MPHOSPH10: variants seen among roughly 807,000 people sequenced by gnomAD.
The protein encoded by MPHOSPH10 is U3 small nucleolar ribonucleoprotein MPP10.
A neutral mutation model predicts 77.3 loss-of-function variants in MPHOSPH10; 33 were observed. The observed-to-expected ratio is 0.43, with a 90% CI of 0.32 to 0.57. The LOEUF (loss-of-function observed/expected upper bound fraction) is 0.57, where lower values mean the gene tolerates loss of function less well. Among genes scored for constraint, MPHOSPH10 ranks in the 20% least tolerant of loss-of-function variants. The pLI is 0.07. For synonymous variants in MPHOSPH10, 245 were observed against 268.0 expected (o/e 0.91, Z 0.84); for missense variants, 708 against 780.1 (o/e 0.91, Z 1.10).
At chr2:71,143,642 C>G (rs1673654001) in intron 7 of MPHOSPH10, among the ~76,000 whole-genome samples, 1 of 152,158 alleles carries the variant, frequency 6.6e-6, no homozygotes. Context: ...CCAGCCCCAA[C>G]AAACCCCAGT....
chr2:71,131,545 T>G (rs1009386056), intron 1 of MPHOSPH10, among the ~76,000 whole-genome samples: 3 of 152,216 alleles, frequency 2.0e-5, no homozygotes, highest in Non-Finnish European at 4.4e-5. Flanking sequence ...ACAGGCTTTG[T>G]GTGAGCCACA....
intron 8 of MPHOSPH10, among the ~76,000 whole-genome samples, chr2:71,146,454 G>A (rs1673710481): frequency 6.6e-6 from 1 of 150,408 alleles, no homozygotes; most frequent in Admixed American, 6.7e-5. Flanking sequence ...TCCTGCCTCG[G>A]CCTCCCGAGT....
intron 10 of MPHOSPH10, 67 bp from the exon 11 acceptor site, chr2:71,149,799 C>G (rs771149240): frequency 3.0e-6 from 4 of 1,324,492 alleles, no homozygotes; most frequent in Non-Finnish European, 4.1e-6. Context: ...TGGTGATGTA[C>G]TATTTTTGGC....
chr2:71,133,089 C>T lies in MPHOSPH10; in HGVS notation c.281C>T (p.Ala94Val), dbSNP rs1468944233. 1 of 1,614,160 alleles carries T rather than the reference C, an allele frequency of 6.2e-7. No homozygotes were observed. Among genetic ancestry groups the T allele is most frequent in the Non-Finnish European group, 8.5e-7 (1 of 1,180,016 alleles). ...CCAATTTTACAATACTTTCAGAATG[C>T]AGTTAGTGAAACAATTAATGATGAA... ...NEPILQYFQN[A>V]VSETINDEDI... is the part of the protein sequence containing the mutation. The change falls in exon 2 of 11, where the codon GCA becomes GTA. Residue 94 changes from alanine to valine, a missense_variant. By Grantham distance (64) the Ala-to-Val change is moderately conservative. This residue lies in a region of MPHOSPH10 where 433 missense variants were observed against 432.6 expected (regional missense o/e 1.00). Coordinates refer to ENST00000244230, the MANE Select transcript of MPHOSPH10 (RefSeq NM_005791.3).
chr2:71,137,360 T>A (rs986436547), intron 4 of MPHOSPH10, among the ~76,000 whole-genome samples: 5 of 152,096 alleles, frequency 3.3e-5, no homozygotes, highest in African/African-American at 1.2e-4. Flanking sequence ...AAGATAAAGA[T>A]AAGAGATGAG....
intron 4 of MPHOSPH10, among the ~76,000 whole-genome samples, chr2:71,137,217 C>T (rs937352995): frequency 6.6e-6 from 1 of 151,782 alleles, no homozygotes; most frequent in African/African-American, 2.4e-5. Context: ...AAGCCAAAAA[C>T]TGCCATCATG....
At chr2:71,134,957 A>G (rs1484967771) in intron 4 of MPHOSPH10, among the ~76,000 whole-genome samples, 160 bp downstream of exon 4, 1 of 152,224 alleles carries the variant, frequency 6.6e-6, no homozygotes, top group African/African-American at 2.4e-5. Flanking sequence ...GCTTGAGCTC[A>G]GGAGTTCAGA....
intron 1 of MPHOSPH10, among the ~76,000 whole-genome samples, chr2:71,131,280 C>T (rs1312282314): frequency 1.3e-5 from 2 of 152,190 alleles, no homozygotes; most frequent in Non-Finnish European, 2.9e-5. Flanking sequence ...TCCCTGAGTT[C>T]CCAGCTCACA....
At chr2:71,145,528 T>C (rs1673690425) in intron 8 of MPHOSPH10, among the ~76,000 whole-genome samples, 1 of 151,748 alleles carries the variant, frequency 6.6e-6, no homozygotes, top group Non-Finnish European at 1.5e-5. Context: ...TTGGTATATA[T>C]GTATGCTTTT....
intron 4 of MPHOSPH10, among the ~76,000 whole-genome samples, chr2:71,135,811 TC>T (rs1163744866): frequency 1.1e-4 from 16 of 151,818 alleles, no homozygotes; most frequent in African/African-American, 3.9e-4. Context: ...CAATCAATTT[TC>T]CTGCCTCAGC....
intron 9 of MPHOSPH10, chr2:71,148,474 A>T (rs562874955): frequency 5.4e-6 from 1 of 184,812 alleles, no homozygotes; most frequent in African/African-American, 2.3e-5. Flanking sequence ...TATTCATGTA[A>T]TGCTAATTAG....
chr2:71,149,494 T>TG, intron 10 of MPHOSPH10, 41 bp downstream of exon 10: 1 of 1,552,382 alleles, frequency 6.4e-7, no homozygotes, highest in Admixed American at 1.8e-5. Context: ...GGGACCTTTG[T>TG]GGGGGAAGTG....
intron 3 of MPHOSPH10, among the ~76,000 whole-genome samples, 156 bp downstream of exon 3, chr2:71,134,261 A>T (rs901557645): frequency 6.6e-6 from 1 of 152,240 alleles, no homozygotes. Context: ...CTGTAAAGGG[A>T]CATTAGAGAT....
intron 4 of MPHOSPH10, among the ~76,000 whole-genome samples, chr2:71,138,118 G>A (rs1321290537): frequency 6.6e-6 from 1 of 152,170 alleles, no homozygotes; most frequent in Non-Finnish European, 1.5e-5. Flanking sequence ...GTTAGAGTAA[G>A]AATTTGAGTT....
Position 71,133,036 on chromosome 2 carries a change from T to A in MPHOSPH10, c.228T>A (p.Ile76=). ...TAGAAAATTTTGATGATGAGCAGAT[T>A]TGGCAACAACTGGAATTGCAAAATG... ...LVIENFDDEQ[I]WQQLELQNEP... The change falls in exon 2 of 11, where the codon ATT becomes ATA. Residue 76 remains isoleucine (I), a synonymous_variant. Coordinates refer to ENST00000244230, the MANE Select transcript of MPHOSPH10 (RefSeq NM_005791.3). 1 of 1,614,140 alleles carries A rather than the reference T, an allele frequency of 6.2e-7. No individual in the cohort carries two copies. Among genetic ancestry groups the A allele is most frequent in the Non-Finnish European group, 8.5e-7 (1 of 1,180,026 alleles).
rs1673422081 is a variant in MPHOSPH10, at chr2:71,133,263, C to T, written c.455C>T (p.Ala152Val). ...GATGATCCTGAAATGGGTGAGAGAG[C>T]TGAAAACTCAAGCAAATCTGATCTG... ...GNDDPEMGER[A>V]ENSSKSDLRK... Residue 152 changes from alanine (A) to valine (V), a missense_variant, in exon 2 of 11, where the codon GCT (alanine) becomes GTT (valine). This residue lies in a region of MPHOSPH10 where 433 missense variants were observed against 432.6 expected (regional missense o/e 1.00). Transcript: ENST00000244230. The T allele has an allele frequency of 9.3e-6, 15 of 1,614,062 alleles. No homozygotes were observed. Among genetic ancestry groups the T allele is most frequent in the Non-Finnish European group, 1.3e-5 (15 of 1,180,010 alleles).
At chr2:71,144,384 A>T in intron 7 of MPHOSPH10, 44 bp from the exon 8 acceptor site, 1 of 1,391,712 alleles carries the variant, frequency 7.2e-7, no homozygotes, top group African/African-American at 1.4e-5. Context: ...CCTGTGATAT[A>T]TATCAAGTCG....
rs1673437630 is a variant in MPHOSPH10, at chr2:71,133,975, T to G, written c.796T>G (p.Tyr266Asp). The change falls in exon 3 of 11, where the codon TAC (tyrosine) becomes GAC (aspartate). Residue 266 changes from tyrosine to aspartate, a missense_variant. This residue lies in a region of MPHOSPH10 where 433 missense variants were observed against 432.6 expected (regional missense o/e 1.00). Transcript: ENST00000244230. ...AGGTAAAAGTTCCAGAAATCTGAAATACAAAGATTTTTTTGATCCAGTTGA... is the reference window on the plus strand; with the variant it reads ...AGGTAAAAGTTCCAGAAATCTGAAAGACAAAGATTTTTTTGATCCAGTTGA... ...KSGKSSRNLK[Y>D]KDFFDPVESD... is the part of the protein sequence containing the mutation. 6.3e-7 allele frequency: 1 copy of G among 1,583,674 alleles called. No individual in the cohort carries two copies. The highest frequency in any genetic ancestry group is 1.4e-5 in the African/African-American group (1 of 73,816).
At chr2:71,141,395 A>G (rs1006029264) in intron 7 of MPHOSPH10, 26 bp downstream of exon 7, 5 of 1,456,032 alleles carry the variant, frequency 3.4e-6, no homozygotes, top group Non-Finnish European at 4.5e-6. Context: ...AGGCCAAGCC[A>G]TTATTATTAA....
Sources: gnomAD v4.1 joint callset for allele counts (sites outside exome capture counted in the v4.1 genomes callset) on GRCh38, gnomAD v4.1.1 for gene constraint, gnomAD v4.1.1 regional missense constraint, MANE v1.5 for transcripts, NCBI Gene and HGNC (gene_info 2026-07-23, HGNC 2026-07-21) for gene names.